MCF2L2: variants seen among roughly 807,000 people sequenced by gnomAD.
MCF2L2 encodes MCF.2 cell line derived transforming sequence-like 2.
In MCF2L2, 102 loss-of-function variants were observed where a neutral mutation model predicts 150.2. The ratio of observed to expected loss-of-function variants is 0.68; its 90% CI spans 0.58 to 0.80. The LOEUF is 0.80. Among genes scored for constraint, MCF2L2 ranks in the 30% least tolerant of loss-of-function variants. The probability of loss-of-function intolerance (pLI) is 0.00; values close to 1 mark genes in which losing one functional copy is unlikely to be tolerated. For synonymous variants in MCF2L2, 465 were observed against 491.3 expected, an observed-to-expected ratio of 0.95 and a Z score of 0.71; for missense variants, 1,256 against 1,372.8, an observed-to-expected ratio of 0.91 and a Z score of 1.34.
At chr3:183,301,515 C>T (rs1031418162) in intron 10 of MCF2L2, among the ~76,000 whole-genome samples, 8 of 152,112 alleles carry the variant, frequency 5.3e-5, no homozygotes, top group Non-Finnish European at 7.4e-5. Context: ...GAGACTAGGC[C>T]GGGCTGTGGT....
chr3:183,294,279 G>A (rs1728332937), intron 13 of MCF2L2, among the ~76,000 whole-genome samples: 1 of 151,884 alleles, frequency 6.6e-6, no homozygotes. Flanking sequence ...ATAAAACATG[G>A]GCCTTTTAAA....
chr3:183,415,288 C>T (rs551500095), intron 1 of MCF2L2, among the ~76,000 whole-genome samples: 5 of 151,996 alleles, frequency 3.3e-5, no homozygotes, highest in African/African-American at 1.2e-4. Context: ...CCAGGTTCAA[C>T]CGATTCTCCT....
At chr3:183,327,926 C>T (rs1202073120) in intron 5 of MCF2L2, among the ~76,000 whole-genome samples, 3 of 152,024 alleles carry the variant, frequency 2.0e-5, no homozygotes, top group African/African-American at 7.3e-5. Flanking sequence ...ATAATGAACC[C>T]CTTTGGTCAC....
chr3:183,206,056 T>A, intron 24 of MCF2L2, 66 bp downstream of exon 24: 1 of 1,566,390 alleles, frequency 6.4e-7, no homozygotes, highest in Non-Finnish European at 8.8e-7. Flanking sequence ...AGAAAACACT[T>A]GTCAAGTCAT....
chr3:183,266,698 C>G (rs1486402949), intron 15 of MCF2L2, among the ~76,000 whole-genome samples: 1 of 152,180 alleles, frequency 6.6e-6, no homozygotes, highest in African/African-American at 2.4e-5. Flanking sequence ...GTCTTTCTCA[C>G]CTTCCTCTAG....
chr3:183,259,499 G>A (rs1725389962), intron 15 of MCF2L2, among the ~76,000 whole-genome samples: 2 of 152,120 alleles, frequency 1.3e-5, no homozygotes, highest in South Asian at 4.1e-4. Flanking sequence ...GTCATTTTAT[G>A]AGCTGACTTT....
chr3:183,365,544 T>A (rs59624773), intron 3 of MCF2L2, among the ~76,000 whole-genome samples: 1 of 152,124 alleles, frequency 6.6e-6, no homozygotes, highest in African/African-American at 2.4e-5. Context: ...AAATTAATGG[T>A]GTTCAGATAA....
chr3:183,180,266 C>A, intron 27 of MCF2L2, 107 bp from the exon 28 acceptor site: 2 of 733,856 alleles, frequency 2.7e-6, no homozygotes, highest in Non-Finnish European at 4.9e-6. Context: ...CGGTCCTCCC[C>A]ATCTCTAACT....
Position 183,270,024 on chromosome 3 carries a change from T to C in MCF2L2, c.1862+6848A>G. The C allele has an allele frequency of 6.2e-7, 1 of 1,614,156 alleles. No individual in the cohort carries two copies. The highest frequency in any genetic ancestry group is 8.5e-7 in the Non-Finnish European group (1 of 1,180,044). ...CTCAGCGGGGCCTCGCTACCAATAC[T>C]TGATTAACCACAAGGAAAAGTGTCA... On this transcript the variant is annotated intron_variant, in intron 15 of 29. Transcript: ENST00000328913. This position sits in a 1 kb window ranked among gnomAD's most constrained non-coding sequence, Gnocchi z 4.5.
chr3:183,351,207 TA>T (rs1560034866), intron 3 of MCF2L2, among the ~76,000 whole-genome samples: 7 of 76,438 alleles, frequency 9.2e-5, no homozygotes, highest in Non-Finnish European at 1.7e-4. Context: ...TATATATATA[TA>T]TATATATATA....
intron 15 of MCF2L2, chr3:183,253,315 C>G (rs1724686547): frequency 6.6e-6 from 1 of 152,052 alleles, no homozygotes; most frequent in African/African-American, 2.4e-5. Flanking sequence ...CCAGTCCTCG[C>G]CCAAGATTTA....
At chr3:183,310,501 C>CA (rs770149863) in intron 9 of MCF2L2, 1,157 of 244,274 alleles carry the variant, frequency 4.7e-3, no homozygotes, top group South Asian at 0.01. Context: ...GACTCCAACT[C>CA]AAAAAAAAAA....
At chr3:183,394,914 C>A (rs1714353527) in intron 1 of MCF2L2, among the ~76,000 whole-genome samples, 4 of 152,194 alleles carry the variant, frequency 2.6e-5, no homozygotes, top group African/African-American at 9.7e-5. Context: ...GTTTCTCAAT[C>A]TTTTACCTGG....
intron 3 of MCF2L2, chr3:183,373,182 A>C (rs947616055): frequency 6.6e-6 from 1 of 152,252 alleles, no homozygotes; most frequent in Non-Finnish European, 1.5e-5. Flanking sequence ...CAATTTATAT[A>C]GCAGACGGCA....
intron 1 of MCF2L2, among the ~76,000 whole-genome samples, chr3:183,405,317 TG>T (rs1382283533): frequency 6.6e-6 from 1 of 152,200 alleles, no homozygotes; most frequent in Non-Finnish European, 1.5e-5. Context: ...TTTTCTGTAT[TG>T]TTTTTGTTTG....
chr3:183,201,524 G>A (rs1306995092), intron 25 of MCF2L2, among the ~76,000 whole-genome samples: 1 of 152,162 alleles, frequency 6.6e-6, no homozygotes, highest in African/African-American at 2.4e-5. Context: ...AGGAGATTTT[G>A]GGCTGAGACG....
At chr3:183,219,960 T>G (rs1045571316) in intron 20 of MCF2L2, 36 bp from the exon 21 acceptor site, 1 of 1,457,746 alleles carries the variant, frequency 6.9e-7, no homozygotes, top group Admixed American at 1.7e-5. Context: ...AAAATTAAAA[T>G]GTACATTGCC....
At chr3:183,228,262 T>A (rs1723421675) in intron 18 of MCF2L2, 35 bp downstream of exon 18, 1 of 1,547,902 alleles carries the variant, frequency 6.5e-7, no homozygotes, top group African/African-American at 1.4e-5. Flanking sequence ...AAGGGCTGAC[T>A]TTAACATGAT....
chr3:183,311,743 C>G lies in MCF2L2; in HGVS notation c.783G>C (p.Gly261=). Residue 261 remains glycine (G), a synonymous_variant, in exon 8 of 30, where the codon GGG becomes GGC. Transcript: ENST00000328913. ...QDELKLLGKQ[G]TTLLSCIQEP... The stretch of plus-strand genomic sequence containing the variant: ...CTTGGATGCATGACAGCAATGTGGT[C>G]CCCTGCTTTCCAAGTAATTTCAGCT... 6.2e-7 allele frequency: 1 copy of G among 1,613,852 alleles called. No homozygotes were observed. Among genetic ancestry groups the G allele is most frequent in the South Asian group, 1.1e-5 (1 of 91,022 alleles).
Sources: gnomAD v4.1 joint callset for allele counts (sites outside exome capture counted in the v4.1 genomes callset) on GRCh38, gnomAD v4.1.1 for gene constraint, Gnocchi (gnomAD v3.1) non-coding constraint, MANE v1.5 for transcripts, NCBI Gene and HGNC (gene_info 2026-07-23, HGNC 2026-07-21) for gene names.